AP3M2: variants seen among roughly 807,000 people sequenced by gnomAD.
AP3M2 encodes AP-3 complex subunit mu-2.
Under a neutral mutation model 41.6 loss-of-function variants are expected in AP3M2, and 28 were observed. The observed-to-expected ratio is 0.67, with a 90% CI of 0.50 to 0.92. The LOEUF (loss-of-function observed/expected upper bound fraction) is 0.92. Ranked by LOEUF, AP3M2 falls within the 40% of genes least tolerant of loss-of-function variation. AP3M2 has a pLI of 0.00. For missense variants in AP3M2, 427 were observed against 521.4 expected (o/e 0.82, Z 1.76); for synonymous variants, 193 against 186.4 (o/e 1.04, Z -0.29).
chr8:42,168,869 A>G (rs1218216590), intron 8 of AP3M2, 92 bp from the exon 9 acceptor site: 5 of 901,682 alleles, frequency 5.5e-6, no homozygotes, highest in Non-Finnish European at 8.5e-6. Context: ...TGTCGGTCCC[A>G]CTGACTTCAG....
intron 1 of AP3M2, chr8:42,153,658 AT>A (rs547818881): frequency 0.016 from 2,298 of 141,342 alleles, 55 homozygotes; most frequent in African/African-American, 0.048. Context: ...CCCCAGGGAA[AT>A]TTTTTTTTTT....
intron 2 of AP3M2, among the ~76,000 whole-genome samples, chr8:42,157,703 G>T (rs1327109879): frequency 1.3e-5 from 2 of 152,142 alleles, no homozygotes; most frequent in African/African-American, 4.8e-5. Flanking sequence ...AAAGATTTAA[G>T]TTCCTCTTGT....
At chr8:42,158,797 CTTT>C (rs749431364) in intron 3 of AP3M2, among the ~76,000 whole-genome samples, 2 of 141,690 alleles carry the variant, frequency 1.4e-5, no homozygotes, top group Admixed American at 7.0e-5. Context: ...CTACATGGTT[CTTT>C]TTTTTTTTTT....
intron 3 of AP3M2, among the ~76,000 whole-genome samples, chr8:42,159,372 G>GTGAA (rs1335330469): frequency 6.6e-6 from 1 of 152,206 alleles, no homozygotes; most frequent in Non-Finnish European, 1.5e-5. Context: ...AAGCACTGTA[G>GTGAA]TGAACCCTGT....
In AP3M2 at chr8:42,169,135, C is replaced by G. The variant is rs1402170986; in HGVS notation, c.*74C>G. 1 of 1,288,866 alleles carries G rather than the reference C, an allele frequency of 7.8e-7. No individual in the cohort carries two copies. The highest frequency in any genetic ancestry group is 1.5e-5 in the African/African-American group (1 of 66,602). 79.8% of individuals were successfully genotyped at this position (1,288,866 alleles called of 1,614,324 possible). ...CTTGTCTAAAAGTAAAAAAAAATAT[C>G]AGCCTGTCTCCTAGGTCAGTCCCCT... On this transcript the variant is annotated 3_prime_UTR_variant, in exon 9 of 9. Transcript: ENST00000396926.
chr8:42,167,025 T>C lies in AP3M2; in HGVS notation c.804-139T>C, dbSNP rs1804656895. On this transcript the variant is annotated intron_variant, in intron 6 of 8. Coordinates refer to ENST00000396926, the MANE Select transcript of AP3M2 (RefSeq NM_006803.4). ...ATTAGATTACTGGGGTTTTTTTCTG[T>C]TTATTTTTTCAGATAAAAAGTAAGG... The C allele has an allele frequency of 2.0e-5, 14 of 715,256 alleles. No homozygotes were observed. In the South Asian group the frequency reaches 2.7e-4, roughly 14 times the overall value. The allele number at this position is 715,256 out of a possible 1,614,324, so 44.3% of individuals were successfully genotyped here. A position where few individuals can be genotyped will look rare whatever the true frequency, so the allele number is the denominator to read the frequency against.
intron 4 of AP3M2, 82 bp from the exon 5 acceptor site, chr8:42,164,986 GAGA>G: frequency 8.6e-7 from 1 of 1,165,712 alleles, no homozygotes; most frequent in South Asian, 1.5e-5. Flanking sequence ...GAGAGAGGAA[GAGA>G]AGGAGGGAGG....
chr8:42,163,866 G>C (rs1309996734), intron 4 of AP3M2, among the ~76,000 whole-genome samples: 2 of 152,104 alleles, frequency 1.3e-5, no homozygotes, highest in African/African-American at 2.4e-5. Flanking sequence ...ACATTTTACT[G>C]TTTACCTCAA....
At chr8:42,166,766 CA>C (rs1334208187) in intron 6 of AP3M2, 1,279 of 177,838 alleles carry the variant, frequency 7.2e-3, no homozygotes, top group South Asian at 0.023. Context: ...GACCCTATCT[CA>C]AAAAAAAAAG....
At chr8:42,166,589 T>TAAAAAAAAAAAA (rs1804642098) in intron 6 of AP3M2, among the ~76,000 whole-genome samples, 1 of 33,652 alleles carries the variant, frequency 3.0e-5, no homozygotes, top group Non-Finnish European at 5.1e-5. Flanking sequence ...ACCTTGTCTC[T>TAAAAAAAAAAAA]ACAAAAAAAA....
In AP3M2 at chr8:42,162,340, C is replaced by T. The variant is rs1313487729; in HGVS notation, c.505C>T (p.Arg169Trp). The T allele has an allele frequency of 9.3e-6, 15 of 1,613,318 alleles. No individual in the cohort carries two copies. Among genetic ancestry groups the T allele is most frequent in the Admixed American group, 1.7e-5 (1 of 59,944 alleles). The change falls in exon 4 of 9, where the codon CGG becomes TGG. Residue 169 changes from arginine to tryptophan, a missense_variant. Physicochemically the swap from Arg to Trp is moderately radical, Grantham distance 101 (BLOSUM62 -3). Coordinates refer to ENST00000396926, the MANE Select transcript of AP3M2 (RefSeq NM_006803.4). ...TGQLSVVPWR[R>W]TGVKYTNNEA... is the part of the protein sequence containing the mutation. ...GCAGCTGTCAGTGGTGCCTTGGCGA[C>T]GGACTGGGGTGAAATATACCAACAA... is the stretch of plus-strand genomic sequence containing the variant.
At chr8:42,162,242 C>A in intron 3 of AP3M2, 39 bp from the exon 4 acceptor site, 1 of 1,575,410 alleles carries the variant, frequency 6.3e-7, no homozygotes, top group South Asian at 1.2e-5. Flanking sequence ...TTTCTAGAGT[C>A]AAAATGGTGT....
chr8:42,161,854 T>C (rs1158523701), intron 3 of AP3M2, among the ~76,000 whole-genome samples: 4 of 152,192 alleles, frequency 2.6e-5, no homozygotes, highest in Non-Finnish European at 4.4e-5. Context: ...ATCATATTGA[T>C]ATGTACATTT....
intron 8 of AP3M2, 58 bp from the exon 9 acceptor site, chr8:42,168,903 C>A: frequency 7.5e-7 from 1 of 1,333,064 alleles, no homozygotes; most frequent in Non-Finnish European, 1.0e-6. Flanking sequence ...AACAGTTAGG[C>A]GACCTGCTCC....
intron 1 of AP3M2, chr8:42,153,487 CG>C (rs1276581112): frequency 6.6e-6 from 1 of 152,618 alleles, no homozygotes; most frequent in African/African-American, 2.4e-5. Flanking sequence ...CCTCGCACCC[CG>C]GGCTGCCTGG....
chr8:42,165,485 A>G lies in AP3M2; in HGVS notation c.728A>G (p.Glu243Gly). ...FHPCVRFKRW[E>G]SERILSFIPP... Reference sequence around the variant, plus strand: ...CCTTGTGTTCGTTTCAAACGCTGGGAATCTGAGCGCATCCTCTCCTTCATC... The same window carrying G: ...CCTTGTGTTCGTTTCAAACGCTGGGGATCTGAGCGCATCCTCTCCTTCATC... The change falls in exon 6 of 9, where the codon GAA (glutamate) becomes GGA (glycine). Residue 243 changes from glutamate (E) to glycine (G), a missense_variant. By Grantham distance (98) the Glu-to-Gly change is moderately conservative (BLOSUM62 -2). Around this residue, in one of 3 missense-constraint regions of AP3M2, gnomAD observed 237 missense variants for 284.9 expected, o/e 0.83. Coordinates refer to ENST00000396926, the MANE Select transcript of AP3M2 (RefSeq NM_006803.4). The G allele has an allele frequency of 6.2e-7, 1 of 1,614,188 alleles. No individual in the cohort carries two copies. The highest frequency in any genetic ancestry group is 1.6e-4 in the Middle Eastern group (1 of 6,062).
intron 2 of AP3M2, among the ~76,000 whole-genome samples, chr8:42,157,165 T>G (rs1365045502): frequency 6.6e-6 from 1 of 152,226 alleles, no homozygotes; most frequent in Non-Finnish European, 1.5e-5. Flanking sequence ...CATTCCATTT[T>G]GTAGTGCTTT....
intron 6 of AP3M2, 152 bp downstream of exon 6, chr8:42,165,712 T>G: frequency 1.3e-6 from 1 of 781,826 alleles, no homozygotes; most frequent in Non-Finnish European, 2.0e-6. Context: ...GGTGAGTTGC[T>G]TAACCCCTAT....
chr8:42,153,628 A>AGG (rs1271549977), intron 1 of AP3M2: 1 of 149,992 alleles, frequency 6.7e-6, no homozygotes, highest in Non-Finnish European at 1.5e-5. Flanking sequence ...CAACCGTCTG[A>AGG]GGGCCTTGGG....
Sources: allele counts gnomAD v4.1 joint callset (sites outside exome capture counted in the v4.1 genomes callset), GRCh38; gene constraint gnomAD v4.1.1; regional missense constraint gnomAD v4.1.1; transcripts MANE v1.5; gene names NCBI Gene and HGNC (gene_info 2026-07-23, HGNC 2026-07-21).